PATJ: variants seen among roughly 807,000 people sequenced by gnomAD.
The protein encoded by PATJ is PATJ crumbs cell polarity complex component, also known as inaD-like protein.
Under a neutral mutation model 224.9 loss-of-function variants are expected in PATJ, and 190 were observed. The observed-to-expected ratio is 0.84, with a 90% CI of 0.75 to 0.95. The LOEUF (loss-of-function observed/expected upper bound fraction) is 0.95, where lower values mean the gene tolerates loss of function less well. Ranked by LOEUF, PATJ falls within the 40% of genes least tolerant of loss-of-function variation. The probability of loss-of-function intolerance (pLI) is 0.00; values close to 1 mark genes in which losing one functional copy is unlikely to be tolerated. For synonymous variants in PATJ, 769 were observed against 820.3 expected, an observed-to-expected ratio of 0.94 and a Z score of 1.07; for missense variants, 2,121 against 2,270.3, an observed-to-expected ratio of 0.93 and a Z score of 1.34.
intron 27 of PATJ, among the ~76,000 whole-genome samples, chr1:61,979,535 C>T (rs900008699): frequency 6.6e-6 from 1 of 151,776 alleles, no homozygotes; most frequent in Admixed American, 6.6e-5. Context: ...TACCTGTAAT[C>T]CCAGCTAGTC....
intron 31 of PATJ, among the ~76,000 whole-genome samples, chr1:62,061,634 C>G (rs1357075258): frequency 6.6e-6 from 1 of 152,050 alleles, no homozygotes; most frequent in Non-Finnish European, 1.5e-5. Context: ...TTTTTTATGG[C>G]TGTGTAGCAT....
intron 30 of PATJ, among the ~76,000 whole-genome samples, chr1:62,043,512 T>G (rs962241614): frequency 6.6e-6 from 1 of 152,206 alleles, no homozygotes; most frequent in African/African-American, 2.4e-5. Flanking sequence ...ATAAAAGGCT[T>G]AGCACTATTC....
intron 27 of PATJ, among the ~76,000 whole-genome samples, chr1:61,985,745 T>C (rs906399184): frequency 1.2e-4 from 18 of 152,026 alleles, no homozygotes; most frequent in African/African-American, 4.4e-4. Context: ...GTTAGTCCCT[T>C]CCTCTAATGG....
At chr1:61,744,651 A>C (rs986179662) in intron 1 of PATJ, among the ~76,000 whole-genome samples, 5 of 152,220 alleles carry the variant, frequency 3.3e-5, no homozygotes, top group Non-Finnish European at 7.3e-5. Flanking sequence ...ACACCACTAC[A>C]GTCAACACTG....
chr1:61,961,987 A>AG (rs1466610196), intron 27 of PATJ, among the ~76,000 whole-genome samples: 2 of 147,680 alleles, frequency 1.4e-5, no homozygotes, highest in Non-Finnish European at 3.0e-5. Flanking sequence ...AAAAAAAAAG[A>AG]AAGAAAAGAA....
chr1:61,821,206 G>A lies in PATJ; in HGVS notation c.1684-1739G>A, dbSNP rs141616992. On this transcript the variant is annotated intron_variant, in intron 14 of 43. Coordinates refer to ENST00000642238, the MANE Select transcript of PATJ (RefSeq NM_001350145.3). ...ACTACAGGCGCCTGCCACCATGCCCGGCTAATTTTTTTGTATTTTTAGTAG... is the reference window on the plus strand; with the variant it reads ...ACTACAGGCGCCTGCCACCATGCCCAGCTAATTTTTTTGTATTTTTAGTAG... Among the ~76,000 whole-genome samples, 648 of 152,066 alleles carry A rather than the reference G, an allele frequency of 4.3e-3. 1 individual carries two copies. Among genetic ancestry groups the A allele is most frequent in the African/African-American group, 0.014 (586 of 41,480 alleles).
chr1:62,146,572 T>TC (rs1357990606), intron 41 of PATJ, among the ~76,000 whole-genome samples: 2 of 152,098 alleles, frequency 1.3e-5, no homozygotes, highest in Non-Finnish European at 2.9e-5. Flanking sequence ...GGTCAGAAGT[T>TC]CGAGACCAGT....
intron 28 of PATJ, among the ~76,000 whole-genome samples, chr1:62,010,568 A>G (rs970175925): frequency 1.3e-5 from 2 of 152,224 alleles, no homozygotes; most frequent in Non-Finnish European, 1.5e-5. Context: ...TTCACTTCAC[A>G]TAATGGCCTC....
At chr1:61,822,290 C>T (rs188404901) in intron 14 of PATJ, among the ~76,000 whole-genome samples, 132 of 152,104 alleles carry the variant, frequency 8.7e-4, no homozygotes, top group Non-Finnish European at 1.1e-3. Context: ...GGCATGGTGG[C>T]GCACGCCTGT....
chr1:61,933,576 C>T (rs1272167505), intron 27 of PATJ, among the ~76,000 whole-genome samples: 1 of 151,096 alleles, frequency 6.6e-6, no homozygotes, highest in Non-Finnish European at 1.5e-5. Flanking sequence ...AATTCAAGAT[C>T]ACTGAGAGCA....
rs17123092 is a variant in PATJ at position 62,110,766 on chromosome 1, T to G, written c.4461+2246T>G. Among the ~76,000 whole-genome samples the G allele has an allele frequency of 5.7e-3, 870 of 152,316 alleles. 9 individuals carry two copies. Among genetic ancestry groups the G allele is most frequent in the African/African-American group, 0.02 (818 of 41,572 alleles). ...TTGTTATTCTTTCCTTCTCAAGAAC[T>G]GTGTTCACCCACTTCCCCACATGGC... On this transcript the variant is annotated intron_variant, in intron 34 of 43. Transcript: ENST00000642238.
At chr1:61,906,612 T>C (rs1391125457) in intron 24 of PATJ, among the ~76,000 whole-genome samples, 3 of 152,218 alleles carry the variant, frequency 2.0e-5, no homozygotes, top group Non-Finnish European at 4.4e-5. Flanking sequence ...CTCCTCAGCC[T>C]GCTCAAGTTC....
At position 61,871,485 on chromosome 1, in the gene PATJ, G is replaced by GTATATATGTATATACACA. The variant is rs71050173; in HGVS notation, c.2836-3744_2836-3743insCACATATATATGTATATA. Among the ~76,000 whole-genome samples the GTATATATGTATATACACA allele has an allele frequency of 3.1e-3, 306 of 99,850 alleles. 1 individual carries two copies. The highest frequency in any genetic ancestry group is 3.5e-3 in the Non-Finnish European group (177 of 50,948). The allele number at this position is 99,850 out of a possible 152,430, so 65.5% of individuals were successfully genotyped here. On this transcript the variant is annotated intron_variant, in intron 20 of 43. Transcript: ENST00000642238. ...TATATATGTATATACATATATATGT[G>GTATATATGTATATACACA]TATATATGTATATATACATATATAC... is the stretch of plus-strand genomic sequence containing the variant.
intron 22 of PATJ, among the ~76,000 whole-genome samples, chr1:61,898,526 C>G (rs1161142166): frequency 6.6e-6 from 1 of 152,050 alleles, no homozygotes; most frequent in African/African-American, 2.4e-5. Context: ...CCATGAGCCA[C>G]CACACCTGGC....
At chr1:61,778,071 G>C (rs1390493592) in intron 7 of PATJ, among the ~76,000 whole-genome samples, 1 of 151,968 alleles carries the variant, frequency 6.6e-6, no homozygotes, top group Non-Finnish European at 1.5e-5. Context: ...GTAGAGGTGG[G>C]GTTTCACCAT....
chr1:62,126,317 A>C (rs1248004075), intron 39 of PATJ, among the ~76,000 whole-genome samples: 1 of 152,182 alleles, frequency 6.6e-6, no homozygotes, highest in East Asian at 1.9e-4. Context: ...CAGGAAAAAA[A>C]ATAAAACTGG....
intron 14 of PATJ, among the ~76,000 whole-genome samples, chr1:61,814,545 T>TGCGC (rs767050477): frequency 1.2e-4 from 16 of 138,622 alleles, no homozygotes; most frequent in Middle Eastern, 3.4e-3. Context: ...TGTGTGTGTG[T>TGCGC]GTGCGCGCGC....
At chr1:62,160,876 C>A (rs778502472) in intron 43 of PATJ, 32 bp from the exon 44 acceptor site, 1 of 1,610,534 alleles carries the variant, frequency 6.2e-7, no homozygotes, top group East Asian at 2.2e-5. Context: ...GTGTTTTACC[C>A]TGGATTAAAC....
In PATJ at chr1:61,959,441, T is replaced by A. The variant is rs1275299381; in HGVS notation, c.3671-30727T>A. 6.4e-3 allele frequency among the ~76,000 whole-genome samples: 833 copies of A among 129,724 alleles called. 11 individuals carry two copies. Among genetic ancestry groups the A allele is most frequent in the Non-Finnish European group, 8.8e-3 (513 of 58,342 alleles). 85.1% of individuals were successfully genotyped at this position (129,724 alleles called of 152,430 possible). A position where few individuals can be genotyped will look rare whatever the true frequency, so the allele number is the denominator to read the frequency against. On this transcript the variant is annotated intron_variant, in intron 27 of 43. Transcript: ENST00000642238. Reference sequence around the variant, plus strand: ...ATATAATATATTTTTTTTCTTTTCTTTTTTTTTTTTTTGAGACAGAGTTTT... The same window carrying A: ...ATATAATATATTTTTTTTCTTTTCTATTTTTTTTTTTTGAGACAGAGTTTT...
Sources: allele counts gnomAD v4.1 joint callset (sites outside exome capture counted in the v4.1 genomes callset), GRCh38; gene constraint gnomAD v4.1.1; transcripts MANE v1.5; gene names NCBI Gene and HGNC (gene_info 2026-07-23, HGNC 2026-07-21).